The following SORCS3 variants were observed in gnomAD, a reference collection of about 807,000 sequenced individuals.
SORCS3 encodes sortilin related VPS10 domain containing receptor 3, also known as VPS10 domain-containing receptor SorCS3.
SORCS3 carries 57 observed loss-of-function variants against 146.3 expected under a neutral mutation model. That is an observed-to-expected ratio of 0.39 (90% CI 0.31 to 0.49). The LOEUF is 0.49. SORCS3 is among the 20% of genes least tolerant of loss of function. SORCS3 has a pLI of 0.92. For synonymous variants in SORCS3, 653 were observed against 618.5 expected (o/e 1.06, Z -0.83); for missense variants, 1,341 against 1,575.5 (o/e 0.85, Z 2.52).
chr10:104,801,998 A>AT (rs1342942506), intron 1 of SORCS3, among the ~76,000 whole-genome samples: 3 of 152,200 alleles, frequency 2.0e-5, no homozygotes, highest in African/African-American at 7.2e-5. Flanking sequence ...TCACTAAGCA[A>AT]TTGCTCACAT....
intron 4 of SORCS3, among the ~76,000 whole-genome samples, chr10:104,983,024 G>T (rs765070416): frequency 3.1e-4 from 47 of 151,388 alleles, no homozygotes; most frequent in Non-Finnish European, 6.0e-4. Context: ...TTTTGAAATG[G>T]AGTCTTGCTC....
At chr10:104,721,554 A>G (rs1411941254) in intron 1 of SORCS3, among the ~76,000 whole-genome samples, 1 of 151,992 alleles carries the variant, frequency 6.6e-6, no homozygotes, top group East Asian at 1.9e-4. Context: ...TTGAATCTAT[A>G]AATTACCTTG....
At chr10:104,723,908 A>G (rs1015628078) in intron 1 of SORCS3, among the ~76,000 whole-genome samples, 1 of 152,124 alleles carries the variant, frequency 6.6e-6, no homozygotes, top group African/African-American at 2.4e-5. Flanking sequence ...CAGCACACTG[A>G]TGGGTCTTGA....
At chr10:105,208,915 G>A (rs2056618096) in intron 16 of SORCS3, among the ~76,000 whole-genome samples, 1 of 152,084 alleles carries the variant, frequency 6.6e-6, no homozygotes, top group Non-Finnish European at 1.5e-5. Flanking sequence ...TGGCAGCAGT[G>A]TCTGTTTCTC....
intron 1 of SORCS3, among the ~76,000 whole-genome samples, chr10:104,816,790 G>C (rs552174594): frequency 6.6e-6 from 1 of 152,318 alleles, no homozygotes; most frequent in South Asian, 2.1e-4. Context: ...TGAATCATTG[G>C]AAACAAAACC....
intron 16 of SORCS3, among the ~76,000 whole-genome samples, chr10:105,208,198 G>A (rs1266846106): frequency 1.3e-5 from 2 of 152,044 alleles, no homozygotes; most frequent in Non-Finnish European, 2.9e-5. Context: ...AAAATTAACC[G>A]GGCATAGTGG....
intron 8 of SORCS3, among the ~76,000 whole-genome samples, chr10:105,144,837 A>G (rs1411559203): frequency 2.0e-5 from 3 of 152,122 alleles, no homozygotes; most frequent in Admixed American, 2.0e-4. Flanking sequence ...TCAGGTCTCT[A>G]TTGGACCAAT....
intron 2 of SORCS3, among the ~76,000 whole-genome samples, chr10:104,858,168 CCAAAGCTTGAAAAA>C (rs2018355726): frequency 6.6e-6 from 1 of 152,064 alleles, no homozygotes; most frequent in Admixed American, 6.6e-5. Flanking sequence ...AAATGTTTTT[CCAAAGCTTGAAAAA>C]CAAAGAGTAC....
chr10:105,130,733 A>G (rs1372233942), intron 7 of SORCS3, among the ~76,000 whole-genome samples: 1 of 152,184 alleles, frequency 6.6e-6, no homozygotes, highest in Non-Finnish European at 1.5e-5. Context: ...GCTCAGCCAT[A>G]GTATGATGTT....
chr10:105,195,898 G>A (rs1171560108), intron 14 of SORCS3, among the ~76,000 whole-genome samples: 2 of 152,162 alleles, frequency 1.3e-5, no homozygotes, highest in Non-Finnish European at 2.9e-5. Flanking sequence ...TCCCGGGAGA[G>A]GAAACTAGCA....
chr10:105,036,505 A>G (rs1432079159), intron 4 of SORCS3, among the ~76,000 whole-genome samples: 1 of 152,028 alleles, frequency 6.6e-6, no homozygotes, highest in Non-Finnish European at 1.5e-5. Context: ...ACACCTGTAA[A>G]CCCAGCACTT....
In SORCS3 at chr10:105,197,832, G is replaced by A. The variant is rs1004103571; in HGVS notation, c.2010-2167G>A. 5.9e-5 allele frequency among the ~76,000 whole-genome samples: 9 copies of A among 152,144 alleles called. 1 individual carries two copies. Among genetic ancestry groups the A allele is most frequent in the Middle Eastern group, 3.4e-3 (1 of 292 alleles). On this transcript the variant is annotated intron_variant, in intron 14 of 26. Transcript: ENST00000369701. ...CTTATTGAGTCTTGCTTCTGCCATC[G>A]AGCATATTGAGGGCTTCCTCCAGCT...
At chr10:105,045,021 G>GAAAAAAAAAA (rs35904016) in intron 5 of SORCS3, among the ~76,000 whole-genome samples, 8 of 117,992 alleles carry the variant, frequency 6.8e-5, no homozygotes, top group African/African-American at 2.8e-4. Context: ...TCCAGAATTC[G>GAAAAAAAAAA]AAAAAAAAAA....
intron 1 of SORCS3, among the ~76,000 whole-genome samples, chr10:104,661,700 GA>G (rs2015704067): frequency 1.3e-5 from 2 of 151,148 alleles, no homozygotes; most frequent in African/African-American, 4.9e-5. Context: ...TAGATAGATA[GA>G]CAGATAGATA....
In SORCS3 at chr10:105,092,331, A is replaced by G. The variant is rs536103257; in HGVS notation, c.1093+2492A>G. 5.3e-5 allele frequency among the ~76,000 whole-genome samples: 8 copies of G among 152,320 alleles called. No individual in the cohort carries two copies. The East Asian group carries it at 1.2e-3, about 22-fold the overall frequency. On this transcript the variant is annotated intron_variant, in intron 6 of 26. Transcript: ENST00000369701. Reference sequence around the variant, plus strand: ...CTGTACTTAGGTTAAAGTATAGAATATATTAGTTCTGTTCCATCTTCTAGG... The same window carrying G: ...CTGTACTTAGGTTAAAGTATAGAATGTATTAGTTCTGTTCCATCTTCTAGG...
At chr10:105,225,288 T>A (rs1035288788) in intron 20 of SORCS3, among the ~76,000 whole-genome samples, 11 of 152,118 alleles carry the variant, frequency 7.2e-5, no homozygotes, top group Non-Finnish European at 1.5e-4. Context: ...AGATTCATTT[T>A]TTTTGGCATG....
intron 4 of SORCS3, among the ~76,000 whole-genome samples, chr10:105,040,697 GTTTTATT>G (rs755365338): frequency 0.013 from 1,942 of 152,128 alleles, 26 homozygotes; most frequent in African/African-American, 0.034. Context: ...GCTTTGTAGT[GTTTTATT>G]CACCAGGTTG....
chr10:104,680,943 G>A (rs1589455407), intron 1 of SORCS3, among the ~76,000 whole-genome samples: 1 of 152,222 alleles, frequency 6.6e-6, no homozygotes, highest in Admixed American at 6.5e-5. Flanking sequence ...CAGGAGGCCA[G>A]GCAGGCCCTG....
chr10:105,115,478 A>G (rs985362493), intron 7 of SORCS3, among the ~76,000 whole-genome samples: 1 of 152,212 alleles, frequency 6.6e-6, no homozygotes, highest in African/African-American at 2.4e-5. Context: ...TCGTTTTTAA[A>G]TTATTCATAG....
Sources: gnomAD v4.1 joint callset for allele counts (sites outside exome capture counted in the v4.1 genomes callset) on GRCh38, gnomAD v4.1.1 for gene constraint, MANE v1.5 for transcripts, NCBI Gene and HGNC (gene_info 2026-07-23, HGNC 2026-07-21) for gene names.